The following SUSD6 variants were observed in gnomAD, a reference collection of about 807,000 sequenced individuals.
SUSD6 encodes sushi domain-containing protein 6.
Under a neutral mutation model 28.4 loss-of-function variants are expected in SUSD6, and 16 were observed. The observed-to-expected ratio is 0.56, with a 90% CI of 0.38 to 0.86. SUSD6 has a LOEUF of 0.86. Ranked by LOEUF, SUSD6 falls within the 40% of genes least tolerant of loss-of-function variation. The probability of loss-of-function intolerance (pLI) is 0.00; values close to 1 mark genes in which losing one functional copy is unlikely to be tolerated. For synonymous variants in SUSD6, 147 were observed against 159.6 expected, an observed-to-expected ratio of 0.92 and a Z score of 0.59; for missense variants, 341 against 384.2, an observed-to-expected ratio of 0.89 and a Z score of 0.94.
chr14:69,639,954 C>CTTTTTTTTT (rs1555343334), intron 1 of SUSD6, among the ~76,000 whole-genome samples: 1 of 45,610 alleles, frequency 2.2e-5, no homozygotes, highest in Non-Finnish European at 4.1e-5. Flanking sequence ...GGCACCTACA[C>CTTTTTTTTT]TGTTTTTTTT....
At chr14:69,700,103 T>C (rs1886293141) in intron 2 of SUSD6, among the ~76,000 whole-genome samples, 2 of 152,198 alleles carry the variant, frequency 1.3e-5, no homozygotes, top group South Asian at 4.1e-4. Context: ...GGCTTCCAGG[T>C]GGCCCTTTTC....
intron 2 of SUSD6, among the ~76,000 whole-genome samples, chr14:69,660,172 G>A (rs753270393): frequency 5.3e-5 from 8 of 152,164 alleles, no homozygotes; most frequent in Non-Finnish European, 5.9e-5. Flanking sequence ...CCATAGTTTA[G>A]TGCTACTTCT....
chr14:69,634,734 T>C (rs1885240240), intron 1 of SUSD6, among the ~76,000 whole-genome samples: 1 of 152,258 alleles, frequency 6.6e-6, no homozygotes, highest in Admixed American at 6.5e-5. Flanking sequence ...CTTGAATTTT[T>C]TTCTCACAAA....
chr14:69,617,965 GT>G (rs1884983522), intron 1 of SUSD6, among the ~76,000 whole-genome samples: 1 of 152,214 alleles, frequency 6.6e-6, no homozygotes, highest in African/African-American at 2.4e-5. Context: ...GTAACCCGAG[GT>G]TAAAAACAGA....
intron 1 of SUSD6, among the ~76,000 whole-genome samples, chr14:69,632,918 C>A (rs879185219): frequency 6.6e-6 from 1 of 152,216 alleles, no homozygotes; most frequent in Non-Finnish European, 1.5e-5. Context: ...ATCTCCACCA[C>A]CCTAACCAGA....
intron 1 of SUSD6, among the ~76,000 whole-genome samples, chr14:69,649,986 A>G (rs973182496): frequency 1.3e-5 from 2 of 152,198 alleles, no homozygotes. Context: ...ATATTCCCTT[A>G]GTCTGCCAGA....
chr14:69,642,127 A>T (rs556938925), intron 1 of SUSD6, among the ~76,000 whole-genome samples: 2 of 152,184 alleles, frequency 1.3e-5, no homozygotes, highest in South Asian at 2.1e-4. Flanking sequence ...TTGAAAGCCA[A>T]TCATAGTTCT....
chr14:69,634,846 G>A (rs899767668), intron 1 of SUSD6, among the ~76,000 whole-genome samples: 1 of 152,138 alleles, frequency 6.6e-6, no homozygotes, highest in African/African-American at 2.4e-5. Context: ...AAGCTAGAGG[G>A]TGATTTCACA....
rs772456729 is a variant in SUSD6, at chr14:69,658,614, C to T, written c.22C>T (p.Pro8Ser). 7 of 1,613,996 alleles carry T rather than the reference C, an allele frequency of 4.3e-6. No homozygotes were observed. The highest frequency in any genetic ancestry group is 5.1e-6 in the Non-Finnish European group (6 of 1,180,004). MCHGRIA[P>S]KSTSVFAVAS... ...AAAGATGTGCCATGGCAGGATAGCA[C>T]CAAAGAGCACCTCAGTGTTTGCCGT... is the stretch of plus-strand genomic sequence containing the variant. Residue 8 changes from proline to serine, a missense_variant, in exon 2 of 6, where the codon CCA becomes TCA. Pro to Ser is a moderately conservative substitution (Grantham distance 74, BLOSUM62 -1). Transcript: ENST00000342745.
chr14:69,657,752 G>C (rs1885604130), intron 1 of SUSD6, among the ~76,000 whole-genome samples: 1 of 152,038 alleles, frequency 6.6e-6, no homozygotes, highest in Admixed American at 6.6e-5. Flanking sequence ...TTATAGAAAA[G>C]AATCTTTAAA....
chr14:69,691,204 T>C (rs998658758), intron 2 of SUSD6, among the ~76,000 whole-genome samples: 1 of 152,118 alleles, frequency 6.6e-6, no homozygotes, highest in Non-Finnish European at 1.5e-5. Context: ...TTAGCCGGAC[T>C]TGGTGGTGTG....
intron 2 of SUSD6, among the ~76,000 whole-genome samples, chr14:69,664,665 G>A (rs1419532111): frequency 2.6e-5 from 4 of 152,072 alleles, no homozygotes; most frequent in Non-Finnish European, 5.9e-5. Flanking sequence ...TACCACCCTC[G>A]CACTGTAACT....
chr14:69,636,786 A>C (rs1885272197), intron 1 of SUSD6, among the ~76,000 whole-genome samples: 1 of 152,166 alleles, frequency 6.6e-6, no homozygotes, highest in African/African-American at 2.4e-5. Context: ...CCTAGTGGAG[A>C]ACAGTTCTGG....
intron 1 of SUSD6, among the ~76,000 whole-genome samples, chr14:69,615,032 T>A (rs1884938747): frequency 6.6e-6 from 1 of 152,224 alleles, no homozygotes; most frequent in South Asian, 2.1e-4. Flanking sequence ...GAAGTCTTGT[T>A]AGAGGGTGTT....
intron 2 of SUSD6, among the ~76,000 whole-genome samples, chr14:69,684,656 G>A (rs1343606111): frequency 6.6e-6 from 1 of 152,234 alleles, no homozygotes; most frequent in Admixed American, 6.5e-5. Flanking sequence ...TGTGGCCAGT[G>A]GAAACATCGT....
intron 1 of SUSD6, among the ~76,000 whole-genome samples, chr14:69,618,636 A>G (rs889411186): frequency 3.3e-5 from 5 of 152,230 alleles, no homozygotes; most frequent in African/African-American, 1.2e-4. Context: ...GGATTCCTGT[A>G]TCTGGAGCCA....
At chr14:69,637,535 C>T (rs562486841) in intron 1 of SUSD6, among the ~76,000 whole-genome samples, 4 of 152,218 alleles carry the variant, frequency 2.6e-5, no homozygotes, top group Non-Finnish European at 4.4e-5. Context: ...CTAAGGCTCT[C>T]TCTTTCTGAG....
At chr14:69,620,977 C>A (rs1031199086) in intron 1 of SUSD6, among the ~76,000 whole-genome samples, 17 of 152,144 alleles carry the variant, frequency 1.1e-4, no homozygotes, top group Admixed American at 3.3e-4. Context: ...TTTGTGAGAT[C>A]TTTTTCCTGA....
intron 1 of SUSD6, among the ~76,000 whole-genome samples, chr14:69,627,938 C>CT (rs35196621): frequency 0.065 from 9,371 of 144,872 alleles, 408 homozygotes; most frequent in South Asian, 0.19. Context: ...CCCAAAGTGA[C>CT]TTTTTTTTTT....
Sources: gnomAD v4.1 joint callset for allele counts (sites outside exome capture counted in the v4.1 genomes callset) on GRCh38, gnomAD v4.1.1 for gene constraint, MANE v1.5 for transcripts, NCBI Gene and HGNC (gene_info 2026-07-23, HGNC 2026-07-21) for gene names.